The following NRXN1 variants were observed in gnomAD, a reference collection of about 807,000 sequenced individuals.
The protein encoded by NRXN1 is neurexin 1.
Under a neutral mutation model 150.9 loss-of-function variants are expected in NRXN1, and 39 were observed. The ratio of observed to expected loss-of-function variants is 0.26; its 90% CI spans 0.20 to 0.34. The LOEUF is 0.34. Among genes scored for constraint, NRXN1 ranks in the 10% least tolerant of loss-of-function variants. NRXN1 has a pLI of 1.00. For missense variants in NRXN1, 1,815 were observed against 1,949.9 expected (o/e 0.93, Z 1.30); for synonymous variants, 924 against 757.0 (o/e 1.22, Z -3.62).
At chr2:50,955,077 CTCTCTA>C (rs948460336) in intron 2 of NRXN1, among the ~76,000 whole-genome samples, 4 of 152,156 alleles carry the variant, frequency 2.6e-5, no homozygotes, top group African/African-American at 9.7e-5. Context: ...TCATCTCTCT[CTCTCTA>C]TCTCTCACAC....
chr2:50,015,420 T>A (rs1318500755), intron 21 of NRXN1, among the ~76,000 whole-genome samples: 1 of 147,924 alleles, frequency 6.8e-6, no homozygotes, highest in African/African-American at 2.5e-5. Context: ...CAGGAGACTG[T>A]GGCTGGAGTA....
intron 18 of NRXN1, among the ~76,000 whole-genome samples, chr2:50,104,803 T>C (rs1701422072): frequency 6.6e-6 from 1 of 151,978 alleles, no homozygotes; most frequent in Non-Finnish European, 1.5e-5. Flanking sequence ...TCCAACATGC[T>C]TACAAGAGGT....
chr2:50,866,998 A>C (rs1283485674), intron 5 of NRXN1, among the ~76,000 whole-genome samples: 3 of 151,930 alleles, frequency 2.0e-5, no homozygotes. Context: ...TCTTTTAATA[A>C]TAATGAAATA....
At chr2:50,924,686 T>C (rs1686596315) in intron 3 of NRXN1, among the ~76,000 whole-genome samples, 1 of 151,756 alleles carries the variant, frequency 6.6e-6, no homozygotes, top group African/African-American at 2.4e-5. Flanking sequence ...AAGCCATATA[T>C]GGATACAACA....
At chr2:50,187,226 C>A (rs1574392033) in intron 18 of NRXN1, among the ~76,000 whole-genome samples, 1 of 151,984 alleles carries the variant, frequency 6.6e-6, no homozygotes, top group East Asian at 1.9e-4. Flanking sequence ...TCCTGAGAAA[C>A]AGGAACTGTC....
intron 17 of NRXN1, among the ~76,000 whole-genome samples, chr2:50,348,377 G>A (rs1037089176): frequency 9.2e-5 from 14 of 152,168 alleles, no homozygotes; most frequent in African/African-American, 3.4e-4. Context: ...GAAGGGTCAG[G>A]AGAGAAACAG....
At chr2:50,922,442 G>C (rs1686180618) in intron 4 of NRXN1, 2 of 625,450 alleles carry the variant, frequency 3.2e-6, no homozygotes, top group African/African-American at 3.7e-5. Flanking sequence ...TATAATGCAA[G>C]AAATGAAGGA....
chr2:50,690,116 A>G (rs1691862091), intron 5 of NRXN1, among the ~76,000 whole-genome samples: 1 of 152,092 alleles, frequency 6.6e-6, no homozygotes, highest in African/African-American at 2.4e-5. Flanking sequence ...AGACCTCTTG[A>G]CATCAGGTGA....
intron 5 of NRXN1, among the ~76,000 whole-genome samples, chr2:50,854,639 A>C (rs1444800183): frequency 6.6e-6 from 1 of 152,056 alleles, no homozygotes; most frequent in Non-Finnish European, 1.5e-5. Flanking sequence ...GGAATACCCA[A>C]AGGCATTTTG....
At chr2:50,091,193 C>G in intron 19 of NRXN1, 130 bp downstream of exon 19, 1 of 1,044,742 alleles carries the variant, frequency 9.6e-7, no homozygotes, top group Non-Finnish European at 1.5e-6. Flanking sequence ...ATTCACATGA[C>G]TCTAAAGTCC....
At chr2:50,903,365 A>G (rs1445443011) in intron 5 of NRXN1, among the ~76,000 whole-genome samples, 3 of 152,214 alleles carry the variant, frequency 2.0e-5, no homozygotes, top group Non-Finnish European at 4.4e-5. Flanking sequence ...ATCTAACTAT[A>G]GGAAGACATT....
chr2:50,230,361 G>A (rs553056861), intron 18 of NRXN1, among the ~76,000 whole-genome samples: 2 of 152,154 alleles, frequency 1.3e-5, no homozygotes, highest in East Asian at 1.9e-4. Context: ...AAATGGACAC[G>A]AAAAGGGAAA....
rs1218546159 is a variant in NRXN1 at position 50,409,491 on chromosome 2, T to C, written c.3364+55951A>G. Among the ~76,000 whole-genome samples, 4 of 152,218 alleles carry C rather than the reference T, an allele frequency of 2.6e-5. No individual in the cohort carries two copies. In the East Asian group the frequency reaches 7.7e-4, roughly 29 times the overall value. ...ACCATTTGCATCTCTTGGTTATAAGTAGGCTTGTCATTCTCAAAACAACAA... is the reference window on the plus strand; with the variant it reads ...ACCATTTGCATCTCTTGGTTATAAGCAGGCTTGTCATTCTCAAAACAACAA... On this transcript the variant is annotated intron_variant, in intron 17 of 22. Transcript: ENST00000401669.
At chr2:50,683,994 AC>A (rs1690859446) in intron 5 of NRXN1, among the ~76,000 whole-genome samples, 1 of 151,970 alleles carries the variant, frequency 6.6e-6, no homozygotes, top group Non-Finnish European at 1.5e-5. Flanking sequence ...TAGTATACAT[AC>A]CCATCCATCC....
At chr2:50,667,741 A>G (rs144886186) in intron 5 of NRXN1, among the ~76,000 whole-genome samples, 1 of 151,894 alleles carries the variant, frequency 6.6e-6, no homozygotes, top group African/African-American at 2.4e-5. Flanking sequence ...TTTACCACCT[A>G]TATGTTTCTG....
At chr2:50,248,696 G>C (rs945128487) in intron 17 of NRXN1, among the ~76,000 whole-genome samples, 3 of 152,012 alleles carry the variant, frequency 2.0e-5, no homozygotes, top group Non-Finnish European at 4.4e-5. Flanking sequence ...ATGTTTTCCA[G>C]TCTTAAAACC....
intron 18 of NRXN1, among the ~76,000 whole-genome samples, chr2:50,162,101 G>A (rs1343531419): frequency 1.3e-5 from 2 of 152,034 alleles, no homozygotes; most frequent in Non-Finnish European, 2.9e-5. Context: ...ACACAACTCA[G>A]CAGCAAATTG....
chr2:50,180,157 G>C (rs183955981), intron 18 of NRXN1, among the ~76,000 whole-genome samples: 2 of 151,662 alleles, frequency 1.3e-5, no homozygotes, highest in East Asian at 3.9e-4. Context: ...GAGTAGCTAA[G>C]AATACAGGGC....
chr2:50,547,368 C>A (rs2093517720), intron 9 of NRXN1: 1 of 152,114 alleles, frequency 6.6e-6, no homozygotes, highest in African/African-American at 2.4e-5. Context: ...GGTACTTTGA[C>A]TGAGCCAGAG....
Sources: gnomAD v4.1 joint callset for allele counts (sites outside exome capture counted in the v4.1 genomes callset) on GRCh38, gnomAD v4.1.1 for gene constraint, MANE v1.5 for transcripts, NCBI Gene and HGNC (gene_info 2026-07-23, HGNC 2026-07-21) for gene names.